WDSUB1: variants seen among roughly 807,000 people sequenced by gnomAD.
WDSUB1 encodes WD repeat, sterile alpha motif and U-box domain containing 1, also known as WD repeat, SAM and U-box domain-containing protein 1.
WDSUB1 carries 49 observed loss-of-function variants against 53.9 expected under a neutral mutation model. The ratio of observed to expected loss-of-function variants is 0.91; its 90% confidence interval spans 0.72 to 1.15. The LOEUF is 1.15. WDSUB1 is among the 50% of genes most tolerant of loss of function. WDSUB1 has a pLI of 0.00. For synonymous variants in WDSUB1, 194 were observed against 200.6 expected (o/e 0.97, Z 0.28); for missense variants, 514 against 562.0 (o/e 0.91, Z 0.86).
chr2:159,259,240 G>A (rs1045213199), intron 6 of WDSUB1, among the ~76,000 whole-genome samples: 3 of 152,142 alleles, frequency 2.0e-5, no homozygotes, highest in African/African-American at 7.2e-5. Flanking sequence ...GGCCAGGCTG[G>A]TCTTAAACTC....
intron 9 of WDSUB1, among the ~76,000 whole-genome samples, chr2:159,253,658 A>G (rs1279175450): frequency 6.6e-6 from 1 of 152,256 alleles, no homozygotes; most frequent in Non-Finnish European, 1.5e-5. Context: ...TGTTTTAAAC[A>G]GTTATATCAC....
intron 9 of WDSUB1, among the ~76,000 whole-genome samples, chr2:159,249,279 A>C (rs1309587244): frequency 6.6e-6 from 1 of 152,202 alleles, no homozygotes; most frequent in African/African-American, 2.4e-5. Context: ...ATCACAAATA[A>C]AGCTCATCTG....
chr2:159,266,778 T>A (rs1414999319), intron 5 of WDSUB1, among the ~76,000 whole-genome samples: 17 of 151,992 alleles, frequency 1.1e-4, no homozygotes, highest in Non-Finnish European at 2.5e-4. Context: ...GGTTTTTTTG[T>A]TGTTTTTTGT....
chr2:159,277,810 AT>A (rs2061574259), intron 3 of WDSUB1, among the ~76,000 whole-genome samples: 1 of 152,190 alleles, frequency 6.6e-6, no homozygotes, highest in Non-Finnish European at 1.5e-5. Context: ...GTTTCAGAGA[AT>A]TTACTCATAA....
At position 159,256,340 on chromosome 2, in the gene WDSUB1, C is replaced by T. The variant is rs199501078; in HGVS notation, c.988G>A (p.Glu330Lys). The T allele has an allele frequency of 7.5e-6, 12 of 1,610,600 alleles. No individual in the cohort carries two copies. The highest frequency in any genetic ancestry group is 4.0e-5 in the African/African-American group (3 of 74,728). Reference sequence around the variant, plus strand: ...GAGACATCCTCCTCTGACCAATCTTCGGTAAATTGCTTCAGCTGATGTTCT... The same window carrying T: ...GAGACATCCTCCTCTGACCAATCTTTGGTAAATTGCTTCAGCTGATGTTCT... ...RTEHQLKQFT[E>K]DWSEEDVSTW... Residue 330 changes from glutamate (E) to lysine (K), a missense_variant, in exon 9 of 11, where the codon GAA (glutamate) becomes AAA (lysine). Physicochemically the swap from Glu to Lys is moderately conservative, Grantham distance 56. Coordinates refer to ENST00000359774, the MANE Select transcript of WDSUB1 (RefSeq NM_001128212.3).
chr2:159,253,451 T>A (rs1277433204), intron 9 of WDSUB1, among the ~76,000 whole-genome samples: 1 of 152,256 alleles, frequency 6.6e-6, no homozygotes, highest in Non-Finnish European at 1.5e-5. Flanking sequence ...AGAAATTTCA[T>A]TTATTGTGTA....
chr2:159,244,531 G>T (rs1029080783), intron 10 of WDSUB1, among the ~76,000 whole-genome samples: 1 of 152,226 alleles, frequency 6.6e-6, no homozygotes, highest in South Asian at 2.1e-4. Context: ...TGTTGAGGGA[G>T]TTGGTTACTG....
chr2:159,241,090 AAGTATAACCC>A (rs1372122503), intron 10 of WDSUB1, among the ~76,000 whole-genome samples: 1 of 152,226 alleles, frequency 6.6e-6, no homozygotes, highest in Non-Finnish European at 1.5e-5. Flanking sequence ...GAGTATAACC[AAGTATAACCC>A]AACACGGTGA....
intron 8 of WDSUB1, among the ~76,000 whole-genome samples, chr2:159,256,823 A>T (rs765957554): frequency 2.6e-5 from 4 of 152,202 alleles, no homozygotes; most frequent in Non-Finnish European, 4.4e-5. Context: ...TAAAACCAAC[A>T]AAATACAACG....
chr2:159,271,479 G>A (rs1282085220), intron 5 of WDSUB1, among the ~76,000 whole-genome samples: 3 of 152,100 alleles, frequency 2.0e-5, no homozygotes, highest in Non-Finnish European at 2.9e-5. Flanking sequence ...ATTTGTTTTA[G>A]GTCAGTTTTA....
rs962007527 is a variant in WDSUB1, at chr2:159,265,259, G to A, written c.771-5416C>T. 6.6e-5 allele frequency among the ~76,000 whole-genome samples: 10 copies of A among 150,876 alleles called. No individual in the cohort carries two copies. In the East Asian group the frequency reaches 1.2e-3, roughly 18 times the overall value. On this transcript the variant is annotated intron_variant, in intron 5 of 10. Coordinates refer to ENST00000359774, the MANE Select transcript of WDSUB1 (RefSeq NM_001128212.3). The stretch of plus-strand genomic sequence containing the variant: ...GTGAGCCACTCCAGCCTGGGTAATG[G>A]AGTGAGGCCTTATCTCTAAAGCAAG...
intron 5 of WDSUB1, among the ~76,000 whole-genome samples, chr2:159,265,423 C>CT (rs1425360130): frequency 1.3e-5 from 2 of 152,136 alleles, no homozygotes; most frequent in Non-Finnish European, 2.9e-5. Context: ...AACAGGCAGA[C>CT]TTTATTTGAA....
At chr2:159,271,898 T>G (rs973778740) in intron 4 of WDSUB1, 103 bp from the exon 5 acceptor site, 31 of 911,094 alleles carry the variant, frequency 3.4e-5, no homozygotes, top group Admixed American at 1.7e-4. Flanking sequence ...AATCTTTGAG[T>G]GCCTAAAGGA....
chr2:159,252,146 A>T (rs115911799), intron 9 of WDSUB1, among the ~76,000 whole-genome samples: 76,409 of 151,884 alleles, frequency 0.5, 19,938 homozygotes, highest in Non-Finnish European at 0.55. Flanking sequence ...AAAAATTAAA[A>T]ATTAATTTAA....
chr2:159,253,174 T>C (rs1177588902), intron 9 of WDSUB1, among the ~76,000 whole-genome samples: 1 of 152,210 alleles, frequency 6.6e-6, no homozygotes, highest in Admixed American at 6.5e-5. Context: ...TTTCACACTT[T>C]ATGCCTTTTG....
At chr2:159,279,673 C>A in intron 3 of WDSUB1, 88 bp downstream of exon 3, 1 of 1,217,896 alleles carries the variant, frequency 8.2e-7, no homozygotes, top group Non-Finnish European at 1.1e-6. Flanking sequence ...CTAATGATAA[C>A]ATAAAAAAGA....
At chr2:159,282,601 T>C (rs2061689339) in intron 2 of WDSUB1, 71 bp downstream of exon 2, 2 of 1,514,056 alleles carry the variant, frequency 1.3e-6, no homozygotes, top group African/African-American at 1.4e-5. Context: ...TATCAAAATA[T>C]TTTGCTTTCA....
chr2:159,257,033 C>T (rs1477725742), intron 8 of WDSUB1, among the ~76,000 whole-genome samples: 1 of 152,152 alleles, frequency 6.6e-6, no homozygotes, highest in Admixed American at 6.5e-5. Flanking sequence ...AGTTCTCACT[C>T]CCTTGCCCAG....
chr2:159,255,906 T>C (rs1047554977), intron 9 of WDSUB1, among the ~76,000 whole-genome samples: 2 of 152,054 alleles, frequency 1.3e-5, no homozygotes, highest in Non-Finnish European at 2.9e-5. Flanking sequence ...AAGTCAACAA[T>C]AAAAAGACAA....
Sources: gnomAD v4.1 joint callset for allele counts (sites outside exome capture counted in the v4.1 genomes callset) on GRCh38, gnomAD v4.1.1 for gene constraint, MANE v1.5 for transcripts, NCBI Gene and HGNC (gene_info 2026-07-23, HGNC 2026-07-21) for gene names.